Variants in UBE2L6 observed in about 807,000 individuals in gnomAD.
UBE2L6 encodes the protein ubiquitin conjugating enzyme E2 L6, also known as ubiquitin/ISG15-conjugating enzyme E2 L6.
A neutral mutation model predicts 13.6 loss-of-function variants in UBE2L6; 11 were observed. The observed-to-expected ratio is 0.81, with a 90% confidence interval of 0.51 to 1.34. The LOEUF (loss-of-function observed/expected upper bound fraction) is 1.34, where lower values mean the gene tolerates loss of function less well. UBE2L6 is among the 40% of genes most tolerant of loss of function. The pLI, the probability that UBE2L6 is intolerant of heterozygous loss-of-function variation, is 0.00. For missense variants in UBE2L6, 197 were observed against 199.5 expected, an observed-to-expected ratio of 0.99 and a Z score of 0.07; for synonymous variants, 74 against 83.2, an observed-to-expected ratio of 0.89 and a Z score of 0.60.
chr11:57,566,209 G>A (rs1339054756), intron 1 of UBE2L6, among the ~76,000 whole-genome samples: 1 of 152,148 alleles, frequency 6.6e-6, no homozygotes, highest in African/African-American at 2.4e-5. Flanking sequence ...ATCTGTTTAG[G>A]ATGAGTTCTG....
At position 57,554,622 on chromosome 11, in the gene UBE2L6, T is replaced by C. The variant is rs1248032747; in HGVS notation, c.125A>G (p.Asp42Gly). ...GGCTTTCAGGTGGTAGGGAGGTTGG[T>C]CCTGTGCAGAGAGAAAAGGGGTCAA... Reference protein sequence around the residue: ...VLVWHALLLPDQPPYHLKAFN... With the variant: ...VLVWHALLLPGQPPYHLKAFN... Residue 42 changes from aspartate to glycine, a missense_variant and splice_region_variant, in exon 3 of 4, where the codon GAC (aspartate) becomes GGC (glycine). Coordinates refer to ENST00000287156, the MANE Select transcript of UBE2L6 (RefSeq NM_004223.5). The C allele has an allele frequency of 6.2e-7, 1 of 1,613,918 alleles. No individual in the cohort carries two copies. Among genetic ancestry groups the C allele is most frequent in the Non-Finnish European group, 8.5e-7 (1 of 1,179,998 alleles).
chr11:57,563,735 CAA>C (rs35011093), intron 1 of UBE2L6, among the ~76,000 whole-genome samples: 224 of 133,128 alleles, frequency 1.7e-3, no homozygotes, highest in Middle Eastern at 4.1e-3. Flanking sequence ...ACTAAAAATA[CAA>C]AAAAAAAAAA....
chr11:57,567,709 GCAGCCCCGCCCACCCCTCCTC>G, upstream of UBE2L6: 2 of 1,380,012 alleles, frequency 1.4e-6, no homozygotes, highest in Non-Finnish European at 1.9e-6. Context: ...CCCACCCCCG[GCAGCCCCGCCCACCCCTCCTC>G]CAGCCGTCGC....
chr11:57,562,348 G>C (rs1322271386), intron 1 of UBE2L6, among the ~76,000 whole-genome samples: 1 of 152,256 alleles, frequency 6.6e-6, no homozygotes, highest in African/African-American at 2.4e-5. Context: ...TCCGACTCCA[G>C]GCCCTGGCCC....
chr11:57,566,521 T>C (rs1233120221), intron 1 of UBE2L6, among the ~76,000 whole-genome samples: 2 of 152,202 alleles, frequency 1.3e-5, no homozygotes, highest in Admixed American at 6.5e-5. Flanking sequence ...GAAATAACCA[T>C]GTAAACCGTT....
At chr11:57,553,312 G>A (rs1944973240) in intron 3 of UBE2L6, among the ~76,000 whole-genome samples, 1 of 152,204 alleles carries the variant, frequency 6.6e-6, no homozygotes, top group African/African-American at 2.4e-5. Flanking sequence ...TGGGCAATAT[G>A]GCAAAACCTG....
At chr11:57,552,646 T>C in intron 3 of UBE2L6, 137 bp from the exon 4 acceptor site, 1 of 1,120,174 alleles carries the variant, frequency 8.9e-7, no homozygotes, top group Non-Finnish European at 1.3e-6. Flanking sequence ...TACGACCAGA[T>C]CAAACGCCCC....
chr11:57,560,493 C>A, intron 1 of UBE2L6, 61 bp from the exon 2 acceptor site: 1 of 1,302,230 alleles, frequency 7.7e-7, no homozygotes, highest in Non-Finnish European at 1.1e-6. Flanking sequence ...GCCCCCTCCC[C>A]CTGCCCCAGC....
intron 3 of UBE2L6, among the ~76,000 whole-genome samples, chr11:57,553,804 C>T (rs1016052157): frequency 1.3e-5 from 2 of 152,108 alleles, no homozygotes; most frequent in Non-Finnish European, 2.9e-5. Flanking sequence ...CCAGCCTAGG[C>T]GACAGAGCGA....
intron 1 of UBE2L6, among the ~76,000 whole-genome samples, chr11:57,564,262 T>G (rs1945068770): frequency 6.6e-6 from 1 of 152,198 alleles, no homozygotes; most frequent in Non-Finnish European, 1.5e-5. Flanking sequence ...CAGCGACTTT[T>G]CAGTGGAAAT....
intron 1 of UBE2L6, among the ~76,000 whole-genome samples, chr11:57,561,557 G>A (rs1945047591): frequency 6.6e-6 from 1 of 152,172 alleles, no homozygotes; most frequent in Non-Finnish European, 1.5e-5. Flanking sequence ...GAATGAACAG[G>A]AATCCATAAA....
chr11:57,567,900 C>T (rs1017740967), upstream of UBE2L6: 1 of 372,696 alleles, frequency 2.7e-6, no homozygotes, highest in South Asian at 6.6e-5. Context: ...CTTTGCTGAT[C>T]CCTGCCTCCC....
At position 57,560,632 on chromosome 11, in the gene UBE2L6, T is replaced by G. The variant is rs1426711402; in HGVS notation, c.28-200A>C. On this transcript the variant is annotated intron_variant, in intron 1 of 3. Transcript: ENST00000287156. ...GTGCTTTTTCTTTTTTCTTTTTTTT[T>G]TTTTTTGAGACAGAGTCTCGCTCTG... 64 of 500,862 alleles carry G rather than the reference T, an allele frequency of 1.3e-4. No individual in the cohort carries two copies. In the East Asian group the frequency reaches 2.1e-3, roughly 17 times the overall value. The allele number at this position is 500,862 out of a possible 1,614,324, so 31.0% of individuals were successfully genotyped here.
rs1945035270 is a variant in UBE2L6, at chr11:57,560,625, T to C, written c.28-193A>G. On this transcript the variant is annotated intron_variant, in intron 1 of 3. Coordinates refer to ENST00000287156, the MANE Select transcript of UBE2L6 (RefSeq NM_004223.5). Reference sequence around the variant, plus strand: ...GGTGCTGGTGCTTTTTCTTTTTTCTTTTTTTTTTTTTTTGAGACAGAGTCT... The same window carrying C: ...GGTGCTGGTGCTTTTTCTTTTTTCTCTTTTTTTTTTTTTGAGACAGAGTCT... The C allele has an allele frequency of 1.6e-4, 19 of 119,014 alleles. No individual in the cohort carries two copies. In the South Asian group the frequency reaches 3.3e-3, roughly 21 times the overall value. The allele number at this position is 119,014 out of a possible 1,614,324, so 7.4% of individuals were successfully genotyped here.
At chr11:57,563,103 C>T (rs1156280176) in intron 1 of UBE2L6, among the ~76,000 whole-genome samples, 1 of 152,122 alleles carries the variant, frequency 6.6e-6, no homozygotes, top group Non-Finnish European at 1.5e-5. Context: ...TTCAATATTT[C>T]CTCCACAGAG....
At chr11:57,567,498 T>C in intron 1 of UBE2L6, 87 bp downstream of exon 1, 1 of 1,551,766 alleles carries the variant, frequency 6.4e-7, no homozygotes, top group Non-Finnish European at 8.8e-7. Flanking sequence ...ATAAATGTGC[T>C]CGGAGAGCCG....
At chr11:57,561,629 C>A (rs1396892407) in intron 1 of UBE2L6, among the ~76,000 whole-genome samples, 1 of 152,092 alleles carries the variant, frequency 6.6e-6, no homozygotes, top group Admixed American at 6.6e-5. Context: ...TACAGTATGT[C>A]CTGCAGAAGG....
chr11:57,566,921 G>T, intron 1 of UBE2L6: 1 of 443,694 alleles, frequency 2.3e-6, no homozygotes, highest in Non-Finnish European at 4.5e-6. Context: ...ATTCAACAAG[G>T]GCCGGATTTG....
At position 57,559,132 on chromosome 11, in the gene UBE2L6, C is replaced by T. The variant is rs566712075; in HGVS notation, c.123+1205G>A. On this transcript the variant is annotated intron_variant, in intron 2 of 3. Transcript: ENST00000287156. ...TGGAGCTCCTTTGAGCATCTTCTCC[C>T]GGCACCTGAGGCCTAGAACAGGTGT... 3.9e-5 allele frequency among the ~76,000 whole-genome samples: 6 copies of T among 152,334 alleles called. No homozygotes were observed. In the East Asian group the frequency reaches 5.8e-4, roughly 15 times the overall value.
Sources: gnomAD v4.1 joint callset for allele counts (sites outside exome capture counted in the v4.1 genomes callset) on GRCh38, gnomAD v4.1.1 for gene constraint, MANE v1.5 for transcripts, NCBI Gene and HGNC (gene_info 2026-07-23, HGNC 2026-07-21) for gene names.